The following PRCP variants were observed in gnomAD, a reference collection of about 807,000 sequenced individuals.
PRCP encodes lysosomal Pro-X carboxypeptidase.
Under a neutral mutation model 54.2 loss-of-function variants are expected in PRCP, and 46 were observed. The observed-to-expected ratio is 0.85, with a 90% CI of 0.67 to 1.09. PRCP has a LOEUF of 1.09. Ranked by LOEUF, PRCP falls within the 50% of genes least tolerant of loss-of-function variation. The probability of loss-of-function intolerance (pLI) is 0.00; values close to 1 mark genes in which losing one functional copy is unlikely to be tolerated. For missense variants in PRCP, 613 were observed against 596.8 expected, an observed-to-expected ratio of 1.03 and a Z score of -0.28; for synonymous variants, 240 against 212.2, an observed-to-expected ratio of 1.13 and a Z score of -1.14.
intron 8 of PRCP, 45 bp from the exon 9 acceptor site, chr11:82,825,167 A>C (rs375519099): frequency 2.8e-4 from 431 of 1,513,828 alleles, no homozygotes; most frequent in Non-Finnish European, 3.7e-4. Flanking sequence ...TTAGTTTTTC[A>C]TGTTAACACT....
At chr11:82,871,202 A>G (rs1157320048) in intron 1 of PRCP, among the ~76,000 whole-genome samples, 29 of 144,584 alleles carry the variant, frequency 2.0e-4, no homozygotes, top group African/African-American at 6.4e-4. Flanking sequence ...TTTTTTTGAA[A>G]CAGAATCTGA....
rs368115231 is a variant in PRCP, at chr11:82,850,496, G to T, written c.421C>A (p.His141Asn). 9.0e-6 allele frequency: 14 copies of T among 1,563,614 alleles called. No homozygotes were observed. The South Asian group carries it at 1.5e-4, about 17-fold the overall frequency. Residue 141 changes from histidine (H) to asparagine (N), a missense_variant, in exon 4 of 9, where the codon CAC becomes AAC. Physicochemically the swap from His to Asn is moderately conservative, Grantham distance 68. Coordinates refer to ENST00000313010, the MANE Select transcript of PRCP (RefSeq NM_005040.4). ...FGDNSFKDSRHLNFLTSEQAL... is the reference protein window; with the variant it reads ...FGDNSFKDSRNLNFLTSEQAL... ...TGTTCTGATGTCAGGAAATTCAAGT[G>T]TCTGGAATCCTAAAGAAATATAACA...
At chr11:82,827,809 G>C (rs1218070063) in intron 8 of PRCP, 1 of 152,080 alleles carries the variant, frequency 6.6e-6, no homozygotes, top group East Asian at 1.9e-4. Flanking sequence ...AAAAAGTCCA[G>C]CTGGAAATTT....
intron 3 of PRCP, among the ~76,000 whole-genome samples, chr11:82,851,240 G>A (rs888624751): frequency 6.6e-6 from 1 of 151,982 alleles, no homozygotes; most frequent in South Asian, 2.1e-4. Flanking sequence ...TCCTTTAAAA[G>A]GTGAAGCTTA....
chr11:82,897,466 TA>T (rs1480062686), intron 1 of PRCP, among the ~76,000 whole-genome samples: 1 of 152,178 alleles, frequency 6.6e-6, no homozygotes, highest in Non-Finnish European at 1.5e-5. Flanking sequence ...ACACATACAA[TA>T]TAGTAAATGT....
chr11:82,861,533 G>A (rs974991924), intron 1 of PRCP, among the ~76,000 whole-genome samples: 1 of 152,100 alleles, frequency 6.6e-6, no homozygotes, highest in East Asian at 1.9e-4. Flanking sequence ...GGTAGAGCAC[G>A]CAGGGATTAT....
chr11:82,877,833 G>C (rs571281270), intron 1 of PRCP, among the ~76,000 whole-genome samples: 8 of 152,316 alleles, frequency 5.3e-5, no homozygotes, highest in Admixed American at 2.0e-4. Flanking sequence ...GCCTAGTGGA[G>C]CTATGAGAAG....
At chr11:82,870,033 T>A (rs1490283409) in intron 1 of PRCP, among the ~76,000 whole-genome samples, 1 of 152,202 alleles carries the variant, frequency 6.6e-6, no homozygotes, top group East Asian at 1.9e-4. Context: ...GAAGGACTAA[T>A]CAGCATTTTA....
chr11:82,846,222 T>G (rs1858805381), intron 6 of PRCP: 1 of 151,704 alleles, frequency 6.6e-6, no homozygotes, highest in African/African-American at 2.4e-5. Flanking sequence ...ACTATCCAAG[T>G]GAAAGAGCAG....
intron 1 of PRCP, among the ~76,000 whole-genome samples, chr11:82,878,992 A>C (rs954557597): frequency 1.3e-5 from 2 of 152,134 alleles, no homozygotes; most frequent in Non-Finnish European, 2.9e-5. Context: ...AACTTTGGTG[A>C]ATCTGACAAT....
At chr11:82,831,983 C>T (rs1003375973) in intron 8 of PRCP, among the ~76,000 whole-genome samples, 1 of 151,762 alleles carries the variant, frequency 6.6e-6, no homozygotes, top group Non-Finnish European at 1.5e-5. Flanking sequence ...ATTTTCTGTT[C>T]CTGTGTTAGT....
upstream of PRCP, chr11:82,900,583 G>A: frequency 1.2e-6 from 1 of 803,554 alleles, no homozygotes; most frequent in Non-Finnish European, 2.1e-6. Context: ...CAGCCACTCC[G>A]CCCCCATCCC....
At chr11:82,840,663 A>T (rs1450448285) in intron 6 of PRCP, 2 of 152,188 alleles carry the variant, frequency 1.3e-5, no homozygotes, top group African/African-American at 4.8e-5. Flanking sequence ...AGGCAATGGA[A>T]TCATAGCTGA....
At chr11:82,826,385 G>C (rs1457748130) in intron 8 of PRCP, 3 of 152,124 alleles carry the variant, frequency 2.0e-5, no homozygotes, top group Non-Finnish European at 4.4e-5. Context: ...ATGCACGTTT[G>C]TATTGTTTCC....
At chr11:82,900,459 C>G (rs1033799265), upstream of PRCP, 15 of 1,568,838 alleles carry the variant, frequency 9.6e-6, no homozygotes. Flanking sequence ...CCAGCAGAAG[C>G]GCACAGGCTA....
chr11:82,865,898 T>C (rs1427741733), intron 1 of PRCP, among the ~76,000 whole-genome samples: 1 of 152,090 alleles, frequency 6.6e-6, no homozygotes, highest in Non-Finnish European at 1.5e-5. Flanking sequence ...AAAGAAGGAC[T>C]AAAACATGGA....
intron 1 of PRCP, among the ~76,000 whole-genome samples, chr11:82,881,667 G>A (rs1407354166): frequency 2.0e-5 from 3 of 152,178 alleles, no homozygotes; most frequent in Non-Finnish European, 2.9e-5. Flanking sequence ...GTAACCCTGG[G>A]AAAGCAAAGA....
chr11:82,884,186 C>A (rs1380230561), intron 1 of PRCP, among the ~76,000 whole-genome samples: 1 of 152,164 alleles, frequency 6.6e-6, no homozygotes, highest in Non-Finnish European at 1.5e-5. Context: ...GGTTGTAGTT[C>A]CTGGTTTAAA....
At chr11:82,832,743 A>T (rs1328244788) in intron 8 of PRCP, among the ~76,000 whole-genome samples, 1 of 152,136 alleles carries the variant, frequency 6.6e-6, no homozygotes, top group Non-Finnish European at 1.5e-5. Context: ...TTTTGTTGCC[A>T]TTGCTTTTGG....
Sources: gnomAD v4.1 joint callset for allele counts (sites outside exome capture counted in the v4.1 genomes callset) on GRCh38, gnomAD v4.1.1 for gene constraint, MANE v1.5 for transcripts, NCBI Gene and HGNC (gene_info 2026-07-23, HGNC 2026-07-21) for gene names.